The following PRLR variants were observed in gnomAD, a reference collection of about 807,000 sequenced individuals.
The protein encoded by PRLR is prolactin receptor.
Under a neutral mutation model 40.2 loss-of-function variants are expected in PRLR, and 13 were observed. That is an observed-to-expected ratio of 0.32 (90% CI 0.21 to 0.51). The LOEUF (loss-of-function observed/expected upper bound fraction) is 0.51. PRLR is among the 20% of genes least tolerant of loss of function. PRLR has a pLI of 0.97. For synonymous variants in PRLR, 269 were observed against 278.7 expected (o/e 0.97, Z 0.35); for missense variants, 656 against 747.3 (o/e 0.88, Z 1.42).
chr5:35,072,190 C>T (rs913216438), intron 6 of PRLR, among the ~76,000 whole-genome samples: 1 of 152,104 alleles, frequency 6.6e-6, no homozygotes, highest in Admixed American at 6.6e-5. Flanking sequence ...TGATCCACTG[C>T]ACCCAGCCTG....
intron 2 of PRLR, among the ~76,000 whole-genome samples, chr5:35,096,421 T>C (rs112506730): frequency 1.0e-3 from 155 of 152,230 alleles, no homozygotes; most frequent in African/African-American, 3.4e-3. Flanking sequence ...GTAGGACAGA[T>C]GGTGGAAAAC....
In PRLR at chr5:35,070,250, G is replaced by C; in HGVS notation, c.559C>G (p.Gln187Glu). The C allele has an allele frequency of 6.2e-7, 1 of 1,613,862 alleles. No individual in the cohort carries two copies. The highest frequency in any genetic ancestry group is 8.5e-7 in the Non-Finnish European group (1 of 1,179,962). The part of the protein sequence containing the change: ...AAEWEIHFAG[Q>E]QTEFKILSLH... ...CTGAGAATCTTAAACTCTGTTTGCT[G>C]CCCAGCAAAATGGATCTAAGGTAGA... Residue 187 changes from glutamine to glutamate, a missense_variant, in exon 7 of 10, where the codon CAG becomes GAG. By Grantham distance (29) the Gln-to-Glu change is conservative. This residue lies in a region of PRLR where 180 missense variants were observed against 236.8 expected (regional missense o/e 0.76). Coordinates refer to ENST00000618457, the MANE Select transcript of PRLR (RefSeq NM_000949.7).
At chr5:35,112,948 A>G (rs999582382) in intron 2 of PRLR, among the ~76,000 whole-genome samples, 4 of 152,118 alleles carry the variant, frequency 2.6e-5, no homozygotes, top group Non-Finnish European at 5.9e-5. Flanking sequence ...GAGTGGGGCA[A>G]TTCATACTCC....
At chr5:35,198,681 G>T (rs1775800514) in intron 1 of PRLR, among the ~76,000 whole-genome samples, 1 of 152,178 alleles carries the variant, frequency 6.6e-6, no homozygotes, top group Non-Finnish European at 1.5e-5. Flanking sequence ...GCTGCTGAAA[G>T]AAATATATAT....
At chr5:35,198,220 A>G (rs1414142542) in intron 1 of PRLR, among the ~76,000 whole-genome samples, 3 of 152,234 alleles carry the variant, frequency 2.0e-5, no homozygotes, top group African/African-American at 4.8e-5. Flanking sequence ...AAGATTGAGA[A>G]GGCTTGCCCC....
chr5:35,215,115 C>T (rs1329491225), intron 1 of PRLR, among the ~76,000 whole-genome samples: 1 of 152,152 alleles, frequency 6.6e-6, no homozygotes, highest in Admixed American at 6.5e-5. Context: ...GGATTGCTGG[C>T]TCCCTGAAAA....
intron 5 of PRLR, among the ~76,000 whole-genome samples, chr5:35,073,409 T>G (rs1769872995): frequency 6.6e-6 from 1 of 152,232 alleles, no homozygotes; most frequent in Non-Finnish European, 1.5e-5. Flanking sequence ...GAATTCCCAT[T>G]AGCAAAATGA....
chr5:35,194,779 G>A (rs1398959124), intron 1 of PRLR, among the ~76,000 whole-genome samples: 1 of 152,160 alleles, frequency 6.6e-6, no homozygotes, highest in African/African-American at 2.4e-5. Flanking sequence ...AAGGAAGGGA[G>A]GGTGATTTTT....
At chr5:35,203,926 C>T (rs532720057) in intron 1 of PRLR, among the ~76,000 whole-genome samples, 4 of 151,932 alleles carry the variant, frequency 2.6e-5, no homozygotes, top group African/African-American at 7.2e-5. Context: ...TCGAGAAAGT[C>T]GGATTGATTT....
chr5:35,084,158 G>C (rs57551917), intron 5 of PRLR, among the ~76,000 whole-genome samples: 1,912 of 152,238 alleles, frequency 0.013, 40 homozygotes, highest in African/African-American at 0.044. Flanking sequence ...GGAAGAAGCG[G>C]ACATCAATTG....
intron 1 of PRLR, among the ~76,000 whole-genome samples, chr5:35,172,118 T>C (rs1266027790): frequency 6.6e-6 from 1 of 152,212 alleles, no homozygotes; most frequent in African/African-American, 2.4e-5. Context: ...CCCGTGAGAC[T>C]CAAGGCAGGC....
chr5:35,223,759 C>T (rs558810486), intron 1 of PRLR, among the ~76,000 whole-genome samples: 1 of 152,292 alleles, frequency 6.6e-6, no homozygotes, highest in African/African-American at 2.4e-5. Context: ...ATGTTTCTGT[C>T]CACCTTCCCA....
At chr5:35,087,288 C>A (rs1770915660) in intron 3 of PRLR, among the ~76,000 whole-genome samples, 1 of 152,164 alleles carries the variant, frequency 6.6e-6, no homozygotes, top group African/African-American at 2.4e-5. Context: ...CTGCACCTGG[C>A]CACTTTTCCT....
intron 1 of PRLR, among the ~76,000 whole-genome samples, chr5:35,198,774 G>A (rs1394649285): frequency 6.6e-6 from 1 of 152,088 alleles, no homozygotes; most frequent in African/African-American, 2.4e-5. Context: ...TGTCTGCTTG[G>A]TTTGGGTCAT....
At position 35,202,726 on chromosome 5, in the gene PRLR, TA is replaced by T. The variant is rs369426511; in HGVS notation, c.-106+27541del. Among the ~76,000 whole-genome samples, 23 of 152,272 alleles carry T rather than the reference TA, an allele frequency of 1.5e-4. 1 individual carries two copies. Among genetic ancestry groups the T allele is most frequent in the African/African-American group, 5.1e-4 (21 of 41,552 alleles). ...TTAAGTCTCTTAAGAATGGTGACCA[TA>T]ATATGTCTCCTTTCTACTTTAAAAA... On this transcript the variant is annotated intron_variant, in intron 1 of 9. Transcript: ENST00000618457.
intron 1 of PRLR, among the ~76,000 whole-genome samples, chr5:35,228,251 AAAGCAG>A (rs769167549): frequency 1.3e-5 from 1 of 78,084 alleles, no homozygotes. Context: ...AAAAAAAAAA[AAAGCAG>A]CATTATTTTC....
chr5:35,070,757 C>T (rs1053238540), intron 6 of PRLR, among the ~76,000 whole-genome samples: 8 of 148,074 alleles, frequency 5.4e-5, no homozygotes, highest in African/African-American at 7.5e-5. Flanking sequence ...GAAGGAGAAT[C>T]GCTTGAACCT....
intron 2 of PRLR, among the ~76,000 whole-genome samples, chr5:35,102,356 T>C (rs913608746): frequency 3.9e-5 from 6 of 152,128 alleles, no homozygotes; most frequent in African/African-American, 1.4e-4. Context: ...TATAGCCTCC[T>C]TCCCTCGCTC....
intron 1 of PRLR, among the ~76,000 whole-genome samples, chr5:35,134,941 T>C (rs1773806083): frequency 6.6e-6 from 1 of 152,230 alleles, no homozygotes; most frequent in Non-Finnish European, 1.5e-5. Flanking sequence ...CTGGTGCTGG[T>C]GTAACGCAGC....
Sources: allele counts gnomAD v4.1 joint callset (sites outside exome capture counted in the v4.1 genomes callset), GRCh38; gene constraint gnomAD v4.1.1; regional missense constraint gnomAD v4.1.1; transcripts MANE v1.5; gene names NCBI Gene and HGNC (gene_info 2026-07-23, HGNC 2026-07-21).